The following BCHE variants were observed in gnomAD, a reference collection of about 807,000 sequenced individuals.
The protein encoded by BCHE is butyrylcholinesterase.
Under a neutral mutation model 51.3 loss-of-function variants are expected in BCHE, and 48 were observed. The observed-to-expected ratio is 0.94, with a 90% confidence interval of 0.74 to 1.19. The LOEUF (loss-of-function observed/expected upper bound fraction) is 1.19. Ranked by LOEUF, BCHE falls within the 50% of genes most tolerant of loss-of-function variation. The pLI is 0.00. For missense variants in BCHE, 847 were observed against 708.2 expected (o/e 1.20, Z -2.23); for synonymous variants, 251 against 238.0 (o/e 1.05, Z -0.50).
At chr3:165,781,886 A>G (rs1279339990) in intron 3 of BCHE, among the ~76,000 whole-genome samples, 5 of 152,182 alleles carry the variant, frequency 3.3e-5, no homozygotes, top group African/African-American at 1.2e-4. Flanking sequence ...TTTTCTAAAA[A>G]TAATTGCCTA....
At chr3:165,811,433 A>AGTGT (rs5854158) in intron 2 of BCHE, among the ~76,000 whole-genome samples, 5 of 151,328 alleles carry the variant, frequency 3.3e-5, no homozygotes, top group Admixed American at 2.0e-4. Flanking sequence ...GAGCAGTGTA[A>AGTGT]GTGTGTGTGT....
At chr3:165,782,765 C>T (rs1032568494) in intron 3 of BCHE, among the ~76,000 whole-genome samples, 8 of 152,134 alleles carry the variant, frequency 5.3e-5, no homozygotes, top group Admixed American at 6.6e-5. Flanking sequence ...GATCAAGCAA[C>T]GTAGACTGTT....
chr3:165,804,976 T>C (rs1230275917), intron 2 of BCHE, among the ~76,000 whole-genome samples: 1 of 152,174 alleles, frequency 6.6e-6, no homozygotes, highest in African/African-American at 2.4e-5. Context: ...ACTGAGATAA[T>C]TAAAAATGTT....
chr3:165,820,787 C>T (rs1333785603), intron 2 of BCHE, among the ~76,000 whole-genome samples: 1 of 151,990 alleles, frequency 6.6e-6, no homozygotes, highest in Non-Finnish European at 1.5e-5. Flanking sequence ...TTAGTCTGTT[C>T]TCTGCCCTTA....
chr3:165,832,056 A>T (rs1715009209), intron 1 of BCHE, among the ~76,000 whole-genome samples: 1 of 152,206 alleles, frequency 6.6e-6, no homozygotes, highest in Non-Finnish European at 1.5e-5. Flanking sequence ...AAGCTTAGAA[A>T]CTATTGGGCC....
chr3:165,777,783 C>T (rs1365479639), intron 3 of BCHE: 7 of 453,604 alleles, frequency 1.5e-5, no homozygotes, highest in Non-Finnish European at 2.7e-5. Flanking sequence ...TTCCCCTCCT[C>T]CTACTCCTCA....
rs1449157865 is a variant in BCHE, at chr3:165,777,164, G to A, written c.1685-3658C>T. ...TTACAATTCTCGTAACTATTTTTCA[G>A]AGAAATATCTTCATTCTTGTAGAAT... On this transcript the variant is annotated intron_variant, in intron 3 of 3. Coordinates refer to ENST00000264381, the MANE Select transcript of BCHE (RefSeq NM_000055.4). 2.6e-5 allele frequency among the ~76,000 whole-genome samples: 4 copies of A among 151,840 alleles called. No individual in the cohort carries two copies. The South Asian group carries it at 6.2e-4, about 24-fold the overall frequency.
At chr3:165,824,204 T>C (rs1372370874) in intron 2 of BCHE, among the ~76,000 whole-genome samples, 1 of 151,610 alleles carries the variant, frequency 6.6e-6, no homozygotes, top group East Asian at 1.9e-4. Flanking sequence ...TATAAAAATA[T>C]ATTAAAATGA....
intron 3 of BCHE, among the ~76,000 whole-genome samples, chr3:165,785,767 T>C (rs1219381723): frequency 3.3e-5 from 5 of 151,712 alleles, no homozygotes; most frequent in Non-Finnish European, 1.5e-5. Flanking sequence ...TTTATGCATC[T>C]TATTTTTTAG....
At chr3:165,800,957 A>C (rs1483063851) in intron 2 of BCHE, among the ~76,000 whole-genome samples, 2 of 152,170 alleles carry the variant, frequency 1.3e-5, no homozygotes, top group East Asian at 3.8e-4. Flanking sequence ...AGGATAACCA[A>C]ATTTTTTTAA....
chr3:165,808,951 A>G (rs1713975536), intron 2 of BCHE, among the ~76,000 whole-genome samples: 1 of 152,198 alleles, frequency 6.6e-6, no homozygotes, highest in African/African-American at 2.4e-5. Context: ...TTAAGAAAGT[A>G]AAACATAAGA....
rs1370571492 is a variant in BCHE at position 165,806,148 on chromosome 3, A to G, written c.1518-19837T>C. Among the ~76,000 whole-genome samples the G allele has an allele frequency of 8.5e-5, 13 of 152,172 alleles. No individual in the cohort carries two copies. In the East Asian group the frequency reaches 1.5e-3, roughly 18 times the overall value. ...ATTCTCCCCTCACATTAAAAAAAAA[A>G]GTTTTCACATGGTGCTCTTGGCACG... is the stretch of plus-strand genomic sequence containing the variant. On this transcript the variant is annotated intron_variant, in intron 2 of 3. Coordinates refer to ENST00000264381, the MANE Select transcript of BCHE (RefSeq NM_000055.4).
At chr3:165,799,056 A>G (rs568231381) in intron 2 of BCHE, among the ~76,000 whole-genome samples, 2 of 152,172 alleles carry the variant, frequency 1.3e-5, no homozygotes, top group Non-Finnish European at 2.9e-5. Flanking sequence ...TATTCAAAAC[A>G]TATCTATATC....
At chr3:165,780,641 C>T (rs1712658438) in intron 3 of BCHE, among the ~76,000 whole-genome samples, 1 of 151,980 alleles carries the variant, frequency 6.6e-6, no homozygotes, top group Admixed American at 6.6e-5. Flanking sequence ...ATTTATGTGG[C>T]CAACAAATGT....
At chr3:165,832,711 C>T (rs1213176754) in intron 1 of BCHE, among the ~76,000 whole-genome samples, 1 of 152,140 alleles carries the variant, frequency 6.6e-6, no homozygotes, top group Non-Finnish European at 1.5e-5. Context: ...TTTTCTCATG[C>T]TGTAATTAGG....
intron 3 of BCHE, among the ~76,000 whole-genome samples, chr3:165,776,404 T>C (rs1245707984): frequency 6.6e-6 from 1 of 151,948 alleles, no homozygotes; most frequent in African/African-American, 2.4e-5. Flanking sequence ...TCATGCCTCA[T>C]GGTGTCTGAA....
rs28933390 is a variant in BCHE, at chr3:165,829,781, C to G, written c.1253G>C (p.Gly418Ala). ...QRPENYREALGDVVGDYNFIC... is the reference protein window; with the variant it reads ...QRPENYREALADVVGDYNFIC... ...GAAATTATAATCCCCAACAACATCA[C>G]CCAAGGCCTCACGGTAGTTTTCAGG... The change falls in exon 2 of 4, where the codon GGT becomes GCT. Residue 418 changes from glycine to alanine, a missense_variant. By Grantham distance (60) the Gly-to-Ala change is moderately conservative. Transcript: ENST00000264381. The G allele has an allele frequency of 1.2e-6, 2 of 1,613,904 alleles. No individual in the cohort carries two copies. Among genetic ancestry groups the G allele is most frequent in the East Asian group, 2.2e-5 (1 of 44,870 alleles).
chr3:165,790,633 A>G (rs553459735), intron 2 of BCHE, among the ~76,000 whole-genome samples: 2 of 152,278 alleles, frequency 1.3e-5, no homozygotes, highest in East Asian at 3.9e-4. Context: ...GAAATCTTGG[A>G]CCAATTTCGA....
At chr3:165,828,505 T>C (rs1714818678) in intron 2 of BCHE, among the ~76,000 whole-genome samples, 1 of 152,100 alleles carries the variant, frequency 6.6e-6, no homozygotes, top group African/African-American at 2.4e-5. Flanking sequence ...GAATTCCAAA[T>C]GGAGGGTGGA....
Sources: gnomAD v4.1 joint callset for allele counts (sites outside exome capture counted in the v4.1 genomes callset) on GRCh38, gnomAD v4.1.1 for gene constraint, MANE v1.5 for transcripts, NCBI Gene and HGNC (gene_info 2026-07-23, HGNC 2026-07-21) for gene names.